The following DLGAP4 variants were observed in gnomAD, a reference collection of about 807,000 sequenced individuals.
DLGAP4 encodes the protein disks large-associated protein 4.
In DLGAP4, 18 loss-of-function variants were observed where a neutral mutation model predicts 86.9. The observed-to-expected ratio is 0.21, with a 90% confidence interval of 0.14 to 0.31. The LOEUF is 0.31. DLGAP4 is among the 10% of genes least tolerant of loss of function. DLGAP4 has a pLI of 1.00. For synonymous variants in DLGAP4, 548 were observed against 574.3 expected (o/e 0.95, Z 0.65); for missense variants, 1,085 against 1,362.6 (o/e 0.80, Z 3.21).
At chr20:36,495,714 G>T (rs1162380613) in intron 7 of DLGAP4, among the ~76,000 whole-genome samples, 1 of 152,224 alleles carries the variant, frequency 6.6e-6, no homozygotes, top group East Asian at 1.9e-4. Context: ...TCTCAGTGGA[G>T]AAAGTGGAGA....
intron 1 of DLGAP4, among the ~76,000 whole-genome samples, chr20:36,358,594 C>T (rs928811049): frequency 3.3e-5 from 5 of 152,166 alleles, no homozygotes. Context: ...ATCACAAGGT[C>T]AGGAGATGGA....
intron 7 of DLGAP4, among the ~76,000 whole-genome samples, chr20:36,480,554 T>C (rs2147704327): frequency 6.6e-6 from 1 of 151,288 alleles, no homozygotes; most frequent in South Asian, 2.1e-4. Context: ...AAATTAAAAT[T>C]AAAAAAATTA....
chr20:36,430,150 A>G (rs2033088871), intron 2 of DLGAP4, among the ~76,000 whole-genome samples: 1 of 152,218 alleles, frequency 6.6e-6, no homozygotes, highest in Non-Finnish European at 1.5e-5. Flanking sequence ...TTGGACTAGT[A>G]TTTCCAGGAT....
intron 1 of DLGAP4, among the ~76,000 whole-genome samples, chr20:36,339,110 A>G (rs1231061753): frequency 6.6e-6 from 1 of 152,126 alleles, no homozygotes; most frequent in African/African-American, 2.4e-5. Flanking sequence ...TTTTTTTGAG[A>G]TGGAGTCTTG....
intron 1 of DLGAP4, among the ~76,000 whole-genome samples, chr20:36,322,445 T>C (rs1555890627): frequency 6.6e-6 from 1 of 152,150 alleles, no homozygotes; most frequent in East Asian, 1.9e-4. Context: ...TGCTGCTTAT[T>C]AGGGGCTTGA....
intron 2 of DLGAP4, among the ~76,000 whole-genome samples, chr20:36,382,683 C>T (rs1310441917): frequency 2.6e-5 from 4 of 151,640 alleles, no homozygotes; most frequent in South Asian, 4.2e-4. Context: ...GTGTGTGCCA[C>T]CACACCCGGC....
chr20:36,341,185 C>T (rs1467808435), intron 1 of DLGAP4, among the ~76,000 whole-genome samples: 1 of 152,216 alleles, frequency 6.6e-6, no homozygotes, highest in Non-Finnish European at 1.5e-5. Flanking sequence ...AGGACCTCGG[C>T]CCGGCCATCT....
chr20:36,417,327 C>G (rs1377042972), intron 2 of DLGAP4, among the ~76,000 whole-genome samples: 1 of 152,066 alleles, frequency 6.6e-6, no homozygotes, highest in East Asian at 1.9e-4. Context: ...AGGAGACTGG[C>G]ATGGCTTTGG....
At chr20:36,402,870 G>A (rs1339435354) in intron 2 of DLGAP4, among the ~76,000 whole-genome samples, 2 of 152,328 alleles carry the variant, frequency 1.3e-5, no homozygotes, top group East Asian at 1.9e-4. Flanking sequence ...CACAGATGGT[G>A]GAGGAATTGG....
chr20:36,433,841 C>T lies in DLGAP4; in HGVS notation c.999+1125C>T, dbSNP rs113077093. 4.6e-5 allele frequency among the ~76,000 whole-genome samples: 7 copies of T among 151,146 alleles called. No homozygotes were observed. In the South Asian group the frequency reaches 6.3e-4, roughly 14 times the overall value. On this transcript the variant is annotated intron_variant, in intron 3 of 12. Transcript: ENST00000339266. Reference sequence around the variant, plus strand: ...TAATTTTTTGTATGTTTAATAGAGACGGGATTTTATCATGTTGGCCAGACT... The same window carrying T: ...TAATTTTTTGTATGTTTAATAGAGATGGGATTTTATCATGTTGGCCAGACT...
intron 1 of DLGAP4, among the ~76,000 whole-genome samples, chr20:36,363,191 A>G (rs150607449): frequency 6.6e-6 from 1 of 152,222 alleles, no homozygotes; most frequent in African/African-American, 2.4e-5. Context: ...CGTGCCTGGT[A>G]TATTTGAGGA....
At chr20:36,493,961 C>T (rs1041792723) in intron 7 of DLGAP4, among the ~76,000 whole-genome samples, 2 of 152,230 alleles carry the variant, frequency 1.3e-5, no homozygotes, top group African/African-American at 4.8e-5. Flanking sequence ...CTTCGCTGAG[C>T]AGGCGTGTCC....
At chr20:36,517,726 C>T (rs1436855441) in intron 10 of DLGAP4, among the ~76,000 whole-genome samples, 1 of 152,052 alleles carries the variant, frequency 6.6e-6, no homozygotes. Context: ...GTCTTGCATT[C>T]TCAGAATAAA....
intron 12 of DLGAP4, among the ~76,000 whole-genome samples, chr20:36,526,538 G>A (rs558990144): frequency 6.0e-4 from 91 of 152,084 alleles, no homozygotes; most frequent in Middle Eastern, 6.8e-3. Context: ...TCGGGCTCCC[G>A]GTGATTCAAC....
intron 7 of DLGAP4, among the ~76,000 whole-genome samples, chr20:36,456,889 A>C (rs1212716910): frequency 6.6e-6 from 1 of 152,222 alleles, no homozygotes; most frequent in Non-Finnish European, 1.5e-5. Context: ...GTTTAAATAG[A>C]ACCTTGGAGG....
At position 36,500,085 on chromosome 20, in the gene DLGAP4, T is replaced by C; in HGVS notation, c.2100-114T>C. On this transcript the variant is annotated intron_variant, in intron 9 of 12. Coordinates refer to ENST00000339266, the MANE Select transcript of DLGAP4 (RefSeq NM_001365621.2). The surrounding 1 kb of genome is among the most constrained non-coding windows in gnomAD (Gnocchi z 4.6). ...CCGCTTCAGGCGCATGGTGAGCAGA[T>C]GATGCATCCGTTTCTCTGTCTCCCG... is the stretch of plus-strand genomic sequence containing the variant. 1 of 1,229,956 alleles carries C rather than the reference T, an allele frequency of 8.1e-7. No homozygotes were observed. Among genetic ancestry groups the C allele is most frequent in the South Asian group, 1.5e-5 (1 of 64,574 alleles). The allele number at this position is 1,229,956 out of a possible 1,614,324, so 76.2% of individuals were successfully genotyped here.
intron 1 of DLGAP4, among the ~76,000 whole-genome samples, chr20:36,320,675 C>T (rs933158372): frequency 1.2e-4 from 18 of 152,138 alleles, no homozygotes; most frequent in Non-Finnish European, 4.4e-5. Context: ...ACACCTGGTA[C>T]CTGGAGTCTG....
chr20:36,476,705 G>GTTTTTTTTTTTTTTTTTTTTTTGTT (rs35699904), intron 7 of DLGAP4, among the ~76,000 whole-genome samples: 1 of 85,340 alleles, frequency 1.2e-5, no homozygotes, highest in African/African-American at 4.8e-5. Flanking sequence ...TTTTTTTTTG[G>GTTTTTTTTTTTTTTTTTTTTTTGTT]TTTTTTTTTT....
At chr20:36,492,197 T>C (rs903798014) in intron 7 of DLGAP4, among the ~76,000 whole-genome samples, 1 of 152,166 alleles carries the variant, frequency 6.6e-6, no homozygotes, top group African/African-American at 2.4e-5. Context: ...TTCACACATT[T>C]GAAATGAGAG....
Sources: gnomAD v4.1 joint callset for allele counts (sites outside exome capture counted in the v4.1 genomes callset) on GRCh38, gnomAD v4.1.1 for gene constraint, Gnocchi (gnomAD v3.1) non-coding constraint, MANE v1.5 for transcripts, NCBI Gene and HGNC (gene_info 2026-07-23, HGNC 2026-07-21) for gene names.